Variants in NEMP2 observed in about 807,000 individuals in gnomAD.
NEMP2 encodes nuclear envelope integral membrane protein 2, also known as UPF0571 transmembrane protein.
In NEMP2, 53 loss-of-function variants were observed where a neutral mutation model predicts 54.2. The observed-to-expected ratio is 0.98, with a 90% CI of 0.78 to 1.23. The LOEUF is 1.23. Among genes scored for constraint, NEMP2 ranks in the 50% most tolerant of loss-of-function variants. The pLI, the probability that NEMP2 is intolerant of heterozygous loss-of-function variation, is 0.00. For synonymous variants in NEMP2, 197 were observed against 190.3 expected, an observed-to-expected ratio of 1.04 and a Z score of -0.29; for missense variants, 455 against 511.3, an observed-to-expected ratio of 0.89 and a Z score of 1.06.
chr2:190,645,951 C>T, the NEMP2 span, among the ~76,000 whole-genome samples: 4 of 152,188 alleles, frequency 2.6e-5, no homozygotes, highest in African/African-American at 4.8e-5. Flanking sequence ...CAAAGCCCTG[C>T]GGGCAGGGAA....
chr2:190,631,948 CG>C, the NEMP2 span, among the ~76,000 whole-genome samples: 1 of 152,042 alleles, frequency 6.6e-6, no homozygotes, highest in African/African-American at 2.4e-5. Flanking sequence ...TCCAGCTACT[CG>C]GGAGGCTGAG....
chr2:190,640,167 GAT>G, the NEMP2 span, among the ~76,000 whole-genome samples: 3 of 151,920 alleles, frequency 2.0e-5, no homozygotes, highest in African/African-American at 4.8e-5. Context: ...CCATCATATA[GAT>G]ATCTTATTTA....
At chr2:190,613,227 A>T in the NEMP2 span, among the ~76,000 whole-genome samples, 3 of 152,178 alleles carry the variant, frequency 2.0e-5, no homozygotes, top group Non-Finnish European at 4.4e-5. Flanking sequence ...CTTTCCCAGG[A>T]TGAACTTTCT....
At chr2:190,648,620 T>C in the NEMP2 span, 5 of 151,520 alleles carry the variant, frequency 3.3e-5, no homozygotes, top group African/African-American at 1.2e-4. Flanking sequence ...CATAATTTTT[T>C]TTTTTTAATT....
At chr2:190,435,804 T>A in the NEMP2 span, 1 of 549,254 alleles carries the variant, frequency 1.8e-6, no homozygotes, top group East Asian at 3.2e-5. Context: ...TCGATTTTTT[T>A]AAAAGCTATT....
In NEMP2 at chr2:190,513,494, A is replaced by C. The variant is rs186715904; in HGVS notation, c.953+959T>G. On this transcript the variant is annotated intron_variant, in intron 7 of 8. Coordinates refer to ENST00000409150, the MANE Select transcript of NEMP2 (RefSeq NM_001142645.2). The surrounding 1 kb of genome is among the most constrained non-coding windows in gnomAD (Gnocchi z 5.3). ...CTGGGTCCTAAGCAACTGGTTTGAT[A>C]ACTGCTGTAGAGGCAGCAGTCAGAG... Among the ~76,000 whole-genome samples, 306 of 152,340 alleles carry C rather than the reference A, an allele frequency of 2.0e-3. 4 individuals carry two copies. Among genetic ancestry groups the C allele is most frequent in the African/African-American group, 7.2e-3 (299 of 41,582 alleles).
chr2:190,520,532 C>A lies in NEMP2; in HGVS notation c.214-1349G>T, dbSNP rs73979281. On this transcript the variant is annotated intron_variant, in intron 2 of 8. Coordinates refer to ENST00000409150, the MANE Select transcript of NEMP2 (RefSeq NM_001142645.2). The surrounding 1 kb of genome is among the most constrained non-coding windows in gnomAD (Gnocchi z 5.4). ...ATATCACTCACTATCTATCTACCAACCCCTGCATTTCTCTTTGACTTTGGC... is the reference window on the plus strand; with the variant it reads ...ATATCACTCACTATCTATCTACCAAACCCTGCATTTCTCTTTGACTTTGGC... Among the ~76,000 whole-genome samples the A allele has an allele frequency of 0.029, 4,392 of 152,308 alleles. 233 individuals carry two copies. Among genetic ancestry groups the A allele is most frequent in the African/African-American group, 0.099 (4,096 of 41,550 alleles).
chr2:190,561,049 T>C, the NEMP2 span, among the ~76,000 whole-genome samples: 1 of 152,174 alleles, frequency 6.6e-6, no homozygotes, highest in Non-Finnish European at 1.5e-5. The surrounding 1 kb of genome is among the most constrained non-coding windows in gnomAD (Gnocchi z 5.4). Context: ...TGCTTCTTCC[T>C]CGAGGACTAG....
intron 1 of NEMP2, 98 bp downstream of exon 1, chr2:190,534,461 C>A (rs879611436): frequency 1.0e-4 from 130 of 1,252,354 alleles, no homozygotes; most frequent in Non-Finnish European, 1.3e-4. Context: ...CAGTGGGCCT[C>A]GCGGTGCCGC....
At chr2:190,561,035 C>G in the NEMP2 span, among the ~76,000 whole-genome samples, 2 of 152,084 alleles carry the variant, frequency 1.3e-5, no homozygotes, top group Non-Finnish European at 2.9e-5. This position sits in a 1 kb window ranked among gnomAD's most constrained non-coding sequence, Gnocchi z 5.4. Flanking sequence ...AGAGGTGTGC[C>G]CAGTGCTTCT....
At chr2:190,461,153 T>C in the NEMP2 span, among the ~76,000 whole-genome samples, 1 of 152,244 alleles carries the variant, frequency 6.6e-6, no homozygotes, top group Non-Finnish European at 1.5e-5. This position sits in a 1 kb window ranked among gnomAD's most constrained non-coding sequence, Gnocchi z 5.5. Context: ...TGTATGGTTT[T>C]GAAGCCAAAA....
At chr2:190,437,031 C>G in the NEMP2 span, 1 of 1,614,098 alleles carries the variant, frequency 6.2e-7, no homozygotes, top group African/African-American at 1.3e-5. This position sits in a 1 kb window ranked among gnomAD's most constrained non-coding sequence, Gnocchi z 5.9. Flanking sequence ...GCTCCCTGGG[C>G]TGGGGCCTGG....
the NEMP2 span, among the ~76,000 whole-genome samples, chr2:190,633,311 CTTTTTT>C: frequency 7.5e-6 from 1 of 132,498 alleles, no homozygotes; most frequent in Non-Finnish European, 1.6e-5. Context: ...TCAACTTTTC[CTTTTTT>C]TTTTTTTTTT....
At chr2:190,605,203 A>C in the NEMP2 span, among the ~76,000 whole-genome samples, 1 of 151,982 alleles carries the variant, frequency 6.6e-6, no homozygotes, top group Non-Finnish European at 1.5e-5. Context: ...CTTTCTTATA[A>C]ATTCACAGAA....
At chr2:190,489,694 A>C in the NEMP2 span, 3 of 1,389,594 alleles carry the variant, frequency 2.2e-6, no homozygotes, top group Non-Finnish European at 3.0e-6. This position sits in a 1 kb window ranked among gnomAD's most constrained non-coding sequence, Gnocchi z 6.6. Context: ...TGATCTTTAG[A>C]AAACTGATGG....
At chr2:190,493,069 C>T in the NEMP2 span, among the ~76,000 whole-genome samples, 1 of 152,048 alleles carries the variant, frequency 6.6e-6, no homozygotes, top group Non-Finnish European at 1.5e-5. Context: ...AAATGCTCCA[C>T]TTAAAAGATA....
chr2:190,463,889 A>G, the NEMP2 span: 1 of 984,654 alleles, frequency 1.0e-6, no homozygotes, highest in Non-Finnish European at 1.2e-6. The surrounding 1 kb of genome is among the most constrained non-coding windows in gnomAD (Gnocchi z 4.4). Context: ...AGGGCGCACC[A>G]TATACTGTCT....
At position 190,523,353 on chromosome 2, in the gene NEMP2, T is replaced by C. The variant is rs1690818132; in HGVS notation, c.213+1910A>G. On this transcript the variant is annotated intron_variant, in intron 2 of 8. Coordinates refer to ENST00000409150, the MANE Select transcript of NEMP2 (RefSeq NM_001142645.2). This position sits in a 1 kb window ranked among gnomAD's most constrained non-coding sequence, Gnocchi z 5.3. ...TTACCAATTCTGTAACTACTTTTAG[T>C]GTATTCTGGGATTAGGCAAATAAAT... Among the ~76,000 whole-genome samples the C allele has an allele frequency of 6.6e-6, 1 of 152,228 alleles. No homozygotes were observed. Among genetic ancestry groups the C allele is most frequent in the Admixed American group, 6.5e-5 (1 of 15,286 alleles).
the NEMP2 span, among the ~76,000 whole-genome samples, chr2:190,472,861 A>G: frequency 6.6e-6 from 1 of 152,230 alleles, no homozygotes; most frequent in African/African-American, 2.4e-5. Flanking sequence ...CCACAAAGGG[A>G]AGCCCATCAG....
Sources: allele counts gnomAD v4.1 joint callset (sites outside exome capture counted in the v4.1 genomes callset), GRCh38; gene constraint gnomAD v4.1.1; non-coding constraint Gnocchi (gnomAD v3.1); transcripts MANE v1.5; gene names NCBI Gene and HGNC (gene_info 2026-07-23, HGNC 2026-07-21).